CPLANE1: variants seen among roughly 807,000 people sequenced by gnomAD.
CPLANE1 encodes ciliogenesis and planar polarity effector 1.
In CPLANE1, 263 loss-of-function variants were observed where a neutral mutation model predicts 362.5. The ratio of observed to expected loss-of-function variants is 0.73; its 90% confidence interval spans 0.66 to 0.80. The LOEUF (loss-of-function observed/expected upper bound fraction) is 0.80, where lower values mean the gene tolerates loss of function less well. Among genes scored for constraint, CPLANE1 ranks in the 30% least tolerant of loss-of-function variants. CPLANE1 has a pLI of 0.00. For missense variants in CPLANE1, 3,461 were observed against 3,793.4 expected (o/e 0.91, Z 2.30); for synonymous variants, 1,212 against 1,302.6 (o/e 0.93, Z 1.50).
intron 21 of CPLANE1, among the ~76,000 whole-genome samples, chr5:37,195,161 A>G (rs1405854260): frequency 6.6e-6 from 1 of 152,070 alleles, no homozygotes; most frequent in Non-Finnish European, 1.5e-5. Flanking sequence ...TCTCAAAAAA[A>G]AAAAAAAAGA....
At chr5:37,153,121 T>C (rs1009673351) in intron 42 of CPLANE1, among the ~76,000 whole-genome samples, 9 of 152,186 alleles carry the variant, frequency 5.9e-5, no homozygotes, top group Admixed American at 5.2e-4. Flanking sequence ...ATGGGTTTAC[T>C]TCCTTTTTGT....
intron 16 of CPLANE1, 83 bp downstream of exon 16, chr5:37,213,476 A>T: frequency 1.1e-6 from 1 of 887,210 alleles, no homozygotes; most frequent in Non-Finnish European, 1.6e-6. Flanking sequence ...ATCATTGAGT[A>T]ATGGCCTCTG....
chr5:37,233,981 C>CTCA (rs1271148560), intron 8 of CPLANE1, among the ~76,000 whole-genome samples: 1 of 152,190 alleles, frequency 6.6e-6, no homozygotes, highest in Non-Finnish European at 1.5e-5. Flanking sequence ...ACCCTGTGTA[C>CTCA]TACTGAAGAA....
chr5:37,192,383 C>T (rs960284639), intron 21 of CPLANE1, among the ~76,000 whole-genome samples: 2 of 152,020 alleles, frequency 1.3e-5, no homozygotes, highest in African/African-American at 2.4e-5. Context: ...AGCAAAAGGC[C>T]GTATCACATA....
At position 37,210,062 on chromosome 5, in the gene CPLANE1, A is replaced by G. The variant is rs952215083; in HGVS notation, c.2920+3497T>C. On this transcript the variant is annotated intron_variant, in intron 16 of 52. Transcript: ENST00000651892. The stretch of plus-strand genomic sequence containing the variant: ...CCGAAATAGGAAAAATTAAAATGGA[A>G]GCAAAAAAAAAGTATGAGAAGGAAT... The G allele has an allele frequency of 1.1e-5, 9 of 804,048 alleles. No individual in the cohort carries two copies. In the African/African-American group the frequency reaches 1.6e-4, roughly 14 times the overall value. The allele number at this position is 804,048 out of a possible 1,614,324, so 49.8% of individuals were successfully genotyped here.
At chr5:37,141,190 A>G in intron 44 of CPLANE1, 1 of 985,294 alleles carries the variant, frequency 1.0e-6, no homozygotes, top group Non-Finnish European at 1.2e-6. Flanking sequence ...CTATGCCTCC[A>G]TTCTATTTTT....
intron 31 of CPLANE1, among the ~76,000 whole-genome samples, chr5:37,174,289 T>C (rs961781358): frequency 6.6e-6 from 1 of 152,210 alleles, no homozygotes; most frequent in East Asian, 1.9e-4. Flanking sequence ...TGATTAGCTG[T>C]ACAGACTTCA....
intron 21 of CPLANE1, among the ~76,000 whole-genome samples, chr5:37,188,840 G>A (rs1483992875): frequency 6.6e-6 from 1 of 152,086 alleles, no homozygotes; most frequent in Non-Finnish European, 1.5e-5. Context: ...TGCCTTAATT[G>A]TTTATTTTTA....
the CPLANE1 span, among the ~76,000 whole-genome samples, chr5:37,090,188 C>A: frequency 2.0e-5 from 3 of 152,148 alleles, no homozygotes; most frequent in African/African-American, 4.8e-5. Context: ...GGAAATAGAA[C>A]AAGCCGTCTC....
At chr5:37,129,207 GA>G (rs1765095656) in intron 46 of CPLANE1, among the ~76,000 whole-genome samples, 1 of 152,138 alleles carries the variant, frequency 6.6e-6, no homozygotes, top group Admixed American at 6.5e-5. Context: ...GCCACATGTA[GA>G]AGAATAAAAC....
In CPLANE1 at chr5:37,154,677, T is replaced by C. The variant is rs145193887; in HGVS notation, c.8120-684A>G. Among the ~76,000 whole-genome samples the C allele has an allele frequency of 9.3e-3, 1,421 of 152,134 alleles. 23 individuals carry two copies. Among genetic ancestry groups the C allele is most frequent in the Non-Finnish European group, 0.011 (717 of 67,994 alleles). On this transcript the variant is annotated intron_variant, in intron 41 of 52. Transcript: ENST00000651892. ...ACTGTATTGCTCATACTTCTTCTTC[T>C]GCCATCCATTCCTTTTACCCATAAG...
rs868497791 is a variant in CPLANE1, at chr5:37,221,476, G to A, written c.2594C>T (p.Thr865Met). Residue 865 changes from threonine (T) to methionine (M), a missense_variant, in exon 15 of 53, where the codon ACG (threonine) becomes ATG (methionine). Coordinates refer to ENST00000651892, the MANE Select transcript of CPLANE1 (RefSeq NM_001384732.1). ...ATAATAGCGTATCTGAAGAAAATAC[G>A]TCCTTCTTCCTCCTGAAACAAGAAG... ...QEIEEKGGRR[T>M]YFLQIRYYLS... The A allele has an allele frequency of 2.0e-5, 30 of 1,497,232 alleles. No homozygotes were observed. Among genetic ancestry groups the A allele is most frequent in the African/African-American group, 2.9e-5 (2 of 69,576 alleles). The allele number at this position is 1,497,232 out of a possible 1,614,324, so 92.7% of individuals were successfully genotyped here. A position where few individuals can be genotyped will look rare whatever the true frequency, so the allele number is the denominator to read the frequency against.
At chr5:37,129,205 T>C (rs1765093440) in intron 46 of CPLANE1, among the ~76,000 whole-genome samples, 1 of 152,170 alleles carries the variant, frequency 6.6e-6, no homozygotes. Flanking sequence ...AAGCCACATG[T>C]AGAAGAATAA....
At chr5:37,244,915 A>C (rs1738999561) in intron 4 of CPLANE1, among the ~76,000 whole-genome samples, 1 of 151,982 alleles carries the variant, frequency 6.6e-6, no homozygotes, top group Admixed American at 6.6e-5. Context: ...AAAAGAAAAA[A>C]AAAGGCTGGG....
chr5:37,227,932 A>G, intron 9 of CPLANE1, 115 bp from the exon 10 acceptor site: 1 of 931,632 alleles, frequency 1.1e-6, no homozygotes, highest in South Asian at 1.8e-5. Flanking sequence ...CAAGCAAGTG[A>G]AACACACAAA....
intron 51 of CPLANE1, among the ~76,000 whole-genome samples, chr5:37,114,126 T>TA (rs1561291081): frequency 6.6e-6 from 1 of 152,160 alleles, no homozygotes; most frequent in East Asian, 1.9e-4. Context: ...AGTGGGTTTT[T>TA]AAAAAATCAT....
intron 32 of CPLANE1, among the ~76,000 whole-genome samples, chr5:37,171,782 CT>C (rs1779873966): frequency 2.8e-5 from 4 of 144,484 alleles, no homozygotes; most frequent in Non-Finnish European, 6.0e-5. Flanking sequence ...CTCTCTCTCT[CT>C]CTATCTATCT....
intron 24 of CPLANE1, 118 bp downstream of exon 24, chr5:37,186,168 C>A: frequency 1.7e-6 from 1 of 579,542 alleles, no homozygotes; most frequent in Non-Finnish European, 3.2e-6. Flanking sequence ...ATACTCCTAT[C>A]TCAAGGAAGA....
At position 37,226,410 on chromosome 5, in the gene CPLANE1, T is replaced by C. The variant is rs1010091096; in HGVS notation, c.2185A>G (p.Ile729Val). ...CCACTATCTTGAAACATCTGAAAAA[T>C]AGGTACCACCAATGAGTCTTGAGCT... is the stretch of plus-strand genomic sequence containing the variant. ...ITAQDSLVVP[I>V]FQMFQDSGFQ... Residue 729 changes from isoleucine to valine, a missense_variant, in exon 12 of 53, where the codon ATT becomes GTT. Coordinates refer to ENST00000651892, the MANE Select transcript of CPLANE1 (RefSeq NM_001384732.1). 19 of 1,550,168 alleles carry C rather than the reference T, an allele frequency of 1.2e-5. No individual in the cohort carries two copies. In the East Asian group the frequency reaches 3.2e-4, roughly 26 times the overall value.
Sources: gnomAD v4.1 joint callset for allele counts (sites outside exome capture counted in the v4.1 genomes callset) on GRCh38, gnomAD v4.1.1 for gene constraint, MANE v1.5 for transcripts, NCBI Gene and HGNC (gene_info 2026-07-23, HGNC 2026-07-21) for gene names.